RPSA2: variants seen among roughly 807,000 people sequenced by gnomAD.
RPSA2 encodes small ribosomal subunit protein uS2B.
chr19:23,767,161 C>T, the RPSA2 span, among the ~76,000 whole-genome samples: 4 of 152,044 alleles, frequency 2.6e-5, no homozygotes, highest in Admixed American at 6.6e-5. Context: ...AGGCTGTTCT[C>T]GAACTCCTGA....
At chr19:23,773,200 C>T in the RPSA2 span, among the ~76,000 whole-genome samples, 1 of 151,358 alleles carries the variant, frequency 6.6e-6, no homozygotes, top group East Asian at 1.9e-4. Flanking sequence ...AGGTGCACGC[C>T]ATTGTTCTGC....
chr19:23,836,163 C>T, the RPSA2 span, among the ~76,000 whole-genome samples: 1 of 152,044 alleles, frequency 6.6e-6, no homozygotes, highest in Non-Finnish European at 1.5e-5. Flanking sequence ...CTCTTCTCCC[C>T]ATGTCCCCAA....
the RPSA2 span, among the ~76,000 whole-genome samples, chr19:23,820,090 C>G: frequency 6.6e-6 from 1 of 152,212 alleles, no homozygotes. Context: ...TAACATGTTT[C>G]AATATCCCCC....
the RPSA2 span, among the ~76,000 whole-genome samples, chr19:23,792,265 A>G: frequency 6.6e-6 from 1 of 152,176 alleles, no homozygotes; most frequent in African/African-American, 2.4e-5. Context: ...TGAGGCTAAT[A>G]TTGAGCCTGC....
the RPSA2 span, chr19:23,827,965 C>T: frequency 3.6e-5 from 33 of 906,722 alleles, no homozygotes; most frequent in South Asian, 1.1e-4. Context: ...AAGACTGGAG[C>T]GCTCAGCCTG....
At chr19:23,851,960 C>T in the RPSA2 span, among the ~76,000 whole-genome samples, 13 of 152,194 alleles carry the variant, frequency 8.5e-5, no homozygotes, top group South Asian at 2.1e-4. Context: ...GGATCAAATC[C>T]GGAAATTTGA....
At chr19:23,761,901 A>ATCCTTCCTTCCTTCCCTCCTTCC in the RPSA2 span, among the ~76,000 whole-genome samples, 1 of 34,016 alleles carries the variant, frequency 2.9e-5, no homozygotes, top group African/African-American at 9.6e-5. Context: ...GGGTAACGTA[A>ATCCTTCCTTCCTTCCCTCCTTCC]TTCTTTCTTT....
the RPSA2 span, among the ~76,000 whole-genome samples, chr19:23,798,608 A>T: frequency 5.3e-5 from 8 of 152,184 alleles, no homozygotes; most frequent in South Asian, 4.1e-4. Flanking sequence ...GAAATTTTTT[A>T]AAAAATCCTA....
At chr19:23,861,500 C>T in the RPSA2 span, among the ~76,000 whole-genome samples, 4 of 152,148 alleles carry the variant, frequency 2.6e-5, no homozygotes, top group South Asian at 2.1e-4. Flanking sequence ...ACATACTATC[C>T]TTTCCAATGA....
the RPSA2 span, among the ~76,000 whole-genome samples, chr19:23,774,931 C>T: frequency 6.6e-6 from 1 of 152,162 alleles, no homozygotes; most frequent in African/African-American, 2.4e-5. Context: ...CTGCTCACTC[C>T]CTATCCACAG....
chr19:23,813,432 A>G, the RPSA2 span, among the ~76,000 whole-genome samples: 9 of 152,048 alleles, frequency 5.9e-5, no homozygotes, highest in Admixed American at 5.2e-4. Flanking sequence ...TATTTTATAT[A>G]TCTTACGTAA....
chr19:23,825,616 T>C, the RPSA2 span, among the ~76,000 whole-genome samples: 9,857 of 152,208 alleles, frequency 0.065, 470 homozygotes, highest in East Asian at 0.22. Context: ...GATGGACTCT[T>C]GCTCTTCTTG....
At chr19:23,800,758 C>G in the RPSA2 span, among the ~76,000 whole-genome samples, 5 of 152,090 alleles carry the variant, frequency 3.3e-5, no homozygotes, top group Admixed American at 3.3e-4. Flanking sequence ...GGATTACAGG[C>G]ATGCACCACC....
At chr19:23,770,874 C>G in the RPSA2 span, among the ~76,000 whole-genome samples, 13 of 152,112 alleles carry the variant, frequency 8.5e-5, no homozygotes, top group Non-Finnish European at 1.3e-4. Flanking sequence ...CCCCAAAATG[C>G]GGTGATGTGA....
the RPSA2 span, among the ~76,000 whole-genome samples, chr19:23,798,065 T>C: frequency 2.0e-5 from 3 of 152,054 alleles, no homozygotes; most frequent in Non-Finnish European, 4.4e-5. Context: ...GTATTTATTT[T>C]TTTTTTACTC....
the RPSA2 span, among the ~76,000 whole-genome samples, chr19:23,792,159 T>G: frequency 6.6e-6 from 1 of 152,234 alleles, no homozygotes; most frequent in Non-Finnish European, 1.5e-5. Flanking sequence ...ACACTGTGTT[T>G]GAGTAATATT....
chr19:23,773,392 T>A, the RPSA2 span, among the ~76,000 whole-genome samples: 1 of 151,962 alleles, frequency 6.6e-6, no homozygotes, highest in Non-Finnish European at 1.5e-5. Flanking sequence ...CAAGTGATTC[T>A]CCTGCCTCAG....
chr19:23,808,626 A>C, the RPSA2 span: 2 of 336,766 alleles, frequency 5.9e-6, no homozygotes, highest in South Asian at 2.9e-5. Flanking sequence ...ATTTATTAGA[A>C]TATTCTATTA....
the RPSA2 span, among the ~76,000 whole-genome samples, chr19:23,791,722 A>T: frequency 6.6e-6 from 1 of 151,332 alleles, no homozygotes; most frequent in Non-Finnish European, 1.5e-5. Context: ...TTTTTATATT[A>T]TTTTAATCTT....
Sources: gnomAD v4.1 joint callset for allele counts (sites outside exome capture counted in the v4.1 genomes callset) on GRCh38, gnomAD v4.1.1 for gene constraint, MANE v1.5 for transcripts, NCBI Gene and HGNC (gene_info 2026-07-23, HGNC 2026-07-21) for gene names.